Variants in LRP1 observed in about 807,000 individuals in gnomAD.
LRP1 encodes LDL receptor related protein 1, also known as prolow-density lipoprotein receptor-related protein 1.
A neutral mutation model predicts 541.5 loss-of-function variants in LRP1; 51 were observed. That is an observed-to-expected ratio of 0.09 (90% CI 0.08 to 0.12). LRP1 has a LOEUF of 0.12. Among genes scored for constraint, LRP1 ranks in the 10% least tolerant of loss-of-function variants. The probability of loss-of-function intolerance (pLI) is 1.00; values close to 1 mark genes in which losing one functional copy is unlikely to be tolerated. For synonymous variants in LRP1, 2,219 were observed against 2,470.8 expected, an observed-to-expected ratio of 0.90 and a Z score of 3.02; for missense variants, 3,878 against 6,376.2, an observed-to-expected ratio of 0.61 and a Z score of 13.34.
intron 1 of LRP1, among the ~76,000 whole-genome samples, chr12:57,134,286 C>T (rs1474611445): frequency 1.3e-5 from 2 of 152,144 alleles, no homozygotes; most frequent in Middle Eastern, 3.2e-3. Context: ...CTTCTCCTGC[C>T]TGTCTTCCCC....
intron 17 of LRP1, chr12:57,166,424 G>T: frequency 1.8e-6 from 1 of 562,314 alleles, no homozygotes; most frequent in Non-Finnish European, 3.1e-6. Flanking sequence ...TGCCGGGCGT[G>T]GTGGCGTGCA....
rs2036499812 is a variant in LRP1 at position 57,195,048 on chromosome 12, T to C, written c.8255T>C (p.Leu2752Pro). 2 of 1,614,108 alleles carry C rather than the reference T, an allele frequency of 1.2e-6. No homozygotes were observed. ...QNHRCISKQW[L>P]CDGSDDCGDG... ...CATCGCTGCATCTCCAAGCAGTGGC[T>C]GTGTGACGGCAGCGATGACTGTGGG... Residue 2752 changes from leucine (L) to proline (P), a missense_variant, in exon 51 of 89, where the codon CTG (leucine) becomes CCG (proline). Leu to Pro is a moderately conservative substitution (Grantham distance 98). This residue lies in a region of LRP1 where 1,100 missense variants were observed against 1,827.4 expected (regional missense o/e 0.60). Transcript: ENST00000243077.
intron 44 of LRP1, among the ~76,000 whole-genome samples, chr12:57,191,959 T>TACACACGCCAC (rs2036413600): frequency 2.2e-4 from 1 of 4,580 alleles, no homozygotes; most frequent in Non-Finnish European, 5.2e-4. Context: ...ACACACCACA[T>TACACACGCCAC]ACACACACCA....
intron 34 of LRP1, among the ~76,000 whole-genome samples, chr12:57,182,339 C>T (rs931996425): frequency 3.3e-5 from 5 of 151,700 alleles, no homozygotes; most frequent in East Asian, 1.9e-4. Context: ...GGCAAAACTC[C>T]GTCTCTACTA....
rs761748131 is a variant in LRP1 at position 57,185,550 on chromosome 12, G to A, written c.6483G>A (p.Val2161=). Residue 2161 remains valine, a synonymous_variant, in exon 41 of 89, where the codon GTG becomes GTA. Transcript: ENST00000243077. The surrounding 1 kb of genome is among the most constrained non-coding windows in gnomAD (Gnocchi z 4.9). ...CCCCAGGCACCAACGTGTGCGCGGT[G>A]GCCAATGGCGGGTGCCAGCAGCTGT... ...DRQKGTNVCA[V]ANGGCQQLCL... 61 of 1,596,116 alleles carry A rather than the reference G, an allele frequency of 3.8e-5. No individual in the cohort carries two copies. In the South Asian group the frequency reaches 6.3e-4, roughly 17 times the overall value.
chr12:57,171,981 C>T (rs1471260075), intron 20 of LRP1, among the ~76,000 whole-genome samples: 1 of 151,952 alleles, frequency 6.6e-6, no homozygotes, highest in African/African-American at 2.4e-5. Flanking sequence ...GCCTGCAGGG[C>T]CCCCACCCCT....
Position 57,184,939 on chromosome 12 carries a change from T to C in LRP1, c.6287T>C (p.Met2096Thr), listed in dbSNP as rs1368041822. ...GAGGTGGTTCTGTCCAGCAACAACA[T>C]GGACATGTTTTCAGTGTCTGTGTTT... is the stretch of plus-strand genomic sequence containing the variant. ...NREVVLSSNN[M>T]DMFSVSVFED... The change falls in exon 39 of 89, where the codon ATG becomes ACG. Residue 2096 changes from methionine (M) to threonine (T), a missense_variant. Physicochemically the swap from Met to Thr is moderately conservative, Grantham distance 81. Coordinates refer to ENST00000243077, the MANE Select transcript of LRP1 (RefSeq NM_002332.3). This position sits in a 1 kb window ranked among gnomAD's most constrained non-coding sequence, Gnocchi z 7.8. The C allele has an allele frequency of 2.5e-6, 4 of 1,614,042 alleles. No homozygotes were observed. The highest frequency in any genetic ancestry group is 3.4e-6 in the Non-Finnish European group (4 of 1,180,030).
chr12:57,145,714 G>A (rs985299445), intron 6 of LRP1, among the ~76,000 whole-genome samples: 1 of 152,192 alleles, frequency 6.6e-6, no homozygotes, highest in Non-Finnish European at 1.5e-5. Flanking sequence ...TGCATTTCTG[G>A]CCAAGGGCTG....
intron 60 of LRP1, 125 bp downstream of exon 60, chr12:57,198,795 A>ACC: frequency 4.2e-6 from 4 of 953,262 alleles, no homozygotes; most frequent in Non-Finnish European, 6.3e-6. Context: ...GCCTGAGGAC[A>ACC]CCACTCACTG....
Position 57,204,303 on chromosome 12 carries a change from C to A in LRP1, c.10952-107C>A. On this transcript the variant is annotated intron_variant, in intron 70 of 88. Coordinates refer to ENST00000243077, the MANE Select transcript of LRP1 (RefSeq NM_002332.3). This position sits in a 1 kb window ranked among gnomAD's most constrained non-coding sequence, Gnocchi z 5.3. The stretch of plus-strand genomic sequence containing the variant: ...GAGACCTGGTTCCAATTTGGCTGTG[C>A]CACTGCTTGCCTGGTGACCCCTCTG... 2 of 1,289,840 alleles carry A rather than the reference C, an allele frequency of 1.6e-6. No individual in the cohort carries two copies. Among genetic ancestry groups the A allele is most frequent in the Non-Finnish European group, 2.1e-6 (2 of 965,986 alleles). 79.9% of individuals were successfully genotyped at this position (1,289,840 alleles called of 1,614,324 possible). A position where few individuals can be genotyped will look rare whatever the true frequency, so the allele number is the denominator to read the frequency against.
chr12:57,159,522 C>G (rs1328397219), intron 11 of LRP1, among the ~76,000 whole-genome samples: 1 of 152,232 alleles, frequency 6.6e-6, no homozygotes, highest in African/African-American at 2.4e-5. Context: ...TGTTTCAGCT[C>G]TCCATGCAGG....
intron 34 of LRP1, among the ~76,000 whole-genome samples, chr12:57,182,120 C>T (rs553205437): frequency 5.3e-5 from 8 of 151,968 alleles, no homozygotes; most frequent in Admixed American, 2.6e-4. Flanking sequence ...GTCTGAGCAA[C>T]CAGGGACCAT....
intron 33 of LRP1, among the ~76,000 whole-genome samples, 164 bp downstream of exon 33, chr12:57,180,971 C>T (rs2036153413): frequency 6.6e-6 from 1 of 152,180 alleles, no homozygotes; most frequent in Admixed American, 6.5e-5. Flanking sequence ...TTGTAGGCTC[C>T]CAGCAGCCCT....
At chr12:57,148,444 C>T (rs768005606) in intron 6 of LRP1, among the ~76,000 whole-genome samples, 2 of 152,216 alleles carry the variant, frequency 1.3e-5, no homozygotes, top group South Asian at 4.1e-4. Context: ...CCTGCGCACT[C>T]TCACCCCCAC....
chr12:57,141,054 C>T (rs1180117364), intron 2 of LRP1, among the ~76,000 whole-genome samples: 1 of 152,112 alleles, frequency 6.6e-6, no homozygotes, highest in African/African-American at 2.4e-5. Context: ...CTTTTACTGA[C>T]CTCAGTCGTC....
At chr12:57,134,717 T>C (rs2035118217) in intron 1 of LRP1, among the ~76,000 whole-genome samples, 1 of 151,908 alleles carries the variant, frequency 6.6e-6, no homozygotes, top group Non-Finnish European at 1.5e-5. Flanking sequence ...CTTTTTTTTT[T>C]CTTTTGAGAT....
intron 77 of LRP1, 131 bp from the exon 78 acceptor site, chr12:57,208,578 CTG>C (rs2036837852): frequency 1.6e-6 from 1 of 620,368 alleles, no homozygotes; most frequent in Non-Finnish European, 2.9e-6. Flanking sequence ...GCCTGCTTCT[CTG>C]TAGAAGGACA....
Position 57,155,129 on chromosome 12 carries a change from T to C in LRP1, c.1227+428T>C. On this transcript the variant is annotated intron_variant, in intron 8 of 88. Transcript: ENST00000243077. ...GGCATCTCCATTGTGGGATAATTAGTGTGAGCAACCAGCCCAGTTTGCCTA... is the reference window on the plus strand; with the variant it reads ...GGCATCTCCATTGTGGGATAATTAGCGTGAGCAACCAGCCCAGTTTGCCTA... 4 of 369,462 alleles carry C rather than the reference T, an allele frequency of 1.1e-5. No individual in the cohort carries two copies. In the South Asian group the frequency reaches 1.5e-4, roughly 13 times the overall value. The allele number at this position is 369,462 out of a possible 1,614,324, so 22.9% of individuals were successfully genotyped here. A position where few individuals can be genotyped will look rare whatever the true frequency, so the allele number is the denominator to read the frequency against.
chr12:57,158,590 G>A lies in LRP1; in HGVS notation c.1750G>A (p.Gly584Ser). The A allele has an allele frequency of 6.2e-7, 1 of 1,614,104 alleles. No individual in the cohort carries two copies. Among genetic ancestry groups the A allele is most frequent in the Non-Finnish European group, 8.5e-7 (1 of 1,179,998 alleles). Residue 584 changes from glycine (G) to serine (S), a missense_variant, in exon 11 of 89, where the codon GGC becomes AGC. Coordinates refer to ENST00000243077, the MANE Select transcript of LRP1 (RefSeq NM_002332.3). This position sits in a 1 kb window ranked among gnomAD's most constrained non-coding sequence, Gnocchi z 5.3. ...YFADTTSYLI[G>S]RQKIDGTERE... Reference sequence around the variant, plus strand: ...TGCCGACACCACCAGCTACCTCATTGGCCGCCAGAAGATTGATGGCACTGA... The same window carrying A: ...TGCCGACACCACCAGCTACCTCATTAGCCGCCAGAAGATTGATGGCACTGA...
Sources: gnomAD v4.1 joint callset for allele counts (sites outside exome capture counted in the v4.1 genomes callset) on GRCh38, gnomAD v4.1.1 for gene constraint, gnomAD v4.1.1 regional missense constraint, Gnocchi (gnomAD v3.1) non-coding constraint, MANE v1.5 for transcripts, NCBI Gene and HGNC (gene_info 2026-07-23, HGNC 2026-07-21) for gene names.